Variants in YWHAE observed in about 807,000 individuals in gnomAD.
YWHAE encodes the protein tyrosine 3-monooxygenase/tryptophan 5-monooxygenase activation protein epsilon.
In YWHAE, 4 loss-of-function variants were observed where a neutral mutation model predicts 30.1. The ratio of observed to expected loss-of-function variants is 0.13; its 90% CI spans 0.07 to 0.30. The LOEUF is 0.30. Ranked by LOEUF, YWHAE falls within the 10% of genes least tolerant of loss-of-function variation. YWHAE has a pLI of 1.00. For synonymous variants in YWHAE, 118 were observed against 111.8 expected, an observed-to-expected ratio of 1.06 and a Z score of -0.35; for missense variants, 121 against 315.9, an observed-to-expected ratio of 0.38 and a Z score of 4.68.
At chr17:1,387,680 G>C (rs1479581581) in intron 1 of YWHAE, among the ~76,000 whole-genome samples, 1 of 152,088 alleles carries the variant, frequency 6.6e-6, no homozygotes, top group East Asian at 1.9e-4. Context: ...GGAGTGCAGT[G>C]CCACAATCTC....
intron 1 of YWHAE, among the ~76,000 whole-genome samples, chr17:1,387,622 G>C (rs1214444134): frequency 9.9e-5 from 15 of 151,880 alleles, no homozygotes; most frequent in Non-Finnish European, 1.5e-5. Flanking sequence ...ATTTCTTTGC[G>C]GGGGTGGGGG....
At chr17:1,371,435 T>TC (rs1555643015) in intron 1 of YWHAE, among the ~76,000 whole-genome samples, 16 of 151,788 alleles carry the variant, frequency 1.1e-4, no homozygotes, top group African/African-American at 3.9e-4. Context: ...TTTTTTTTTT[T>TC]CTGAGTACCA....
At chr17:1,366,110 AGAGACT>A (rs934481987) in intron 1 of YWHAE, among the ~76,000 whole-genome samples, 4 of 151,816 alleles carry the variant, frequency 2.6e-5, no homozygotes, top group Admixed American at 2.0e-4. Flanking sequence ...CAGGTACTCT[AGAGACT>A]GAGACAGGAG....
chr17:1,360,432 T>C (rs1567962952), intron 4 of YWHAE, among the ~76,000 whole-genome samples: 1 of 152,182 alleles, frequency 6.6e-6, no homozygotes. Flanking sequence ...AAAATTATGT[T>C]TGCTACGAGA....
intron 5 of YWHAE, among the ~76,000 whole-genome samples, chr17:1,350,932 G>A (rs577530391): frequency 6.6e-6 from 1 of 151,454 alleles, no homozygotes; most frequent in Admixed American, 6.6e-5. Flanking sequence ...GGTGGCGCAC[G>A]CCTGTAATCC....
At chr17:1,349,807 G>A (rs1310178361) in intron 5 of YWHAE, among the ~76,000 whole-genome samples, 1 of 151,686 alleles carries the variant, frequency 6.6e-6, no homozygotes, top group African/African-American at 2.4e-5. Flanking sequence ...GTAGAGACGG[G>A]GTTTCACTGT....
chr17:1,374,530 G>A (rs374562927), intron 1 of YWHAE, among the ~76,000 whole-genome samples: 5 of 151,984 alleles, frequency 3.3e-5, no homozygotes, highest in East Asian at 1.9e-4. Flanking sequence ...CTACAGGAGC[G>A]GCACCGTTTT....
chr17:1,345,258 C>G lies in YWHAE; in HGVS notation c.*189G>C, dbSNP rs1270147399. 1 of 596,056 alleles carries G rather than the reference C, an allele frequency of 1.7e-6. No homozygotes were observed. The highest frequency in any genetic ancestry group is 1.9e-5 in the African/African-American group (1 of 52,482). The allele number at this position is 596,056 out of a possible 1,614,324, so 36.9% of individuals were successfully genotyped here. A position where few individuals can be genotyped will look rare whatever the true frequency, so the allele number is the denominator to read the frequency against. On this transcript the variant is annotated 3_prime_UTR_variant, in exon 6 of 6. Coordinates refer to ENST00000264335, the MANE Select transcript of YWHAE (RefSeq NM_006761.5). ...GACCAGTAAAATCCACAGAAATTCACTCTTGCCTTTAAGAACTTTTGAAAA... is the reference window on the plus strand; with the variant it reads ...GACCAGTAAAATCCACAGAAATTCAGTCTTGCCTTTAAGAACTTTTGAAAA...
At chr17:1,370,176 G>C (rs1255799756) in intron 1 of YWHAE, among the ~76,000 whole-genome samples, 2 of 143,740 alleles carry the variant, frequency 1.4e-5, no homozygotes, top group African/African-American at 5.1e-5. Context: ...CACCAGGCTG[G>C]AGTGCCTGGG....
intron 2 of YWHAE, among the ~76,000 whole-genome samples, chr17:1,364,179 A>G (rs1182741134): frequency 4.6e-5 from 7 of 151,722 alleles, no homozygotes; most frequent in South Asian, 2.1e-4. Context: ...TCCTCAGGGA[A>G]AAAAAAAGAG....
chr17:1,352,524 T>C (rs1258934892), intron 5 of YWHAE, among the ~76,000 whole-genome samples: 1 of 150,706 alleles, frequency 6.6e-6, no homozygotes, highest in East Asian at 1.9e-4. Flanking sequence ...TAAGAAACGT[T>C]ATCTCTTTTT....
In YWHAE at chr17:1,385,489, A is replaced by G. The variant is rs183515474; in HGVS notation, c.64+14558T>C. ...GCCATTTATAAAGCTCTAGTCCCAA[A>G]TATCAGTGGTCCCCAACCTTTGTGG... On this transcript the variant is annotated intron_variant, in intron 1 of 5. Transcript: ENST00000264335. 7.9e-5 allele frequency among the ~76,000 whole-genome samples: 12 copies of G among 152,280 alleles called. No individual in the cohort carries two copies. The East Asian group carries it at 2.3e-3, about 29-fold the overall frequency.
chr17:1,351,988 T>TTTTTTTAAA (rs2072642672), intron 5 of YWHAE: 1 of 152,026 alleles, frequency 6.6e-6, no homozygotes, highest in South Asian at 2.1e-4. Flanking sequence ...CTTACTATGT[T>TTTTTTTAAA]GCCCAGGCTG....
At chr17:1,384,067 G>A (rs867905847) in intron 1 of YWHAE, among the ~76,000 whole-genome samples, 1 of 152,024 alleles carries the variant, frequency 6.6e-6, no homozygotes, top group Admixed American at 6.6e-5. Context: ...TTAGCCACGC[G>A]TTAAGCAGGT....
intron 1 of YWHAE, among the ~76,000 whole-genome samples, chr17:1,389,832 T>C (rs1272500518): frequency 1.3e-5 from 2 of 150,024 alleles, no homozygotes; most frequent in East Asian, 2.0e-4. Flanking sequence ...ACCTGGCCAA[T>C]TATTTACATT....
At chr17:1,369,965 G>A (rs553442824) in intron 1 of YWHAE, among the ~76,000 whole-genome samples, 1 of 152,256 alleles carries the variant, frequency 6.6e-6, no homozygotes, top group South Asian at 2.1e-4. Context: ...TTGCCTTGAT[G>A]TTGATGGCTA....
chr17:1,362,195 C>A (rs973999135), intron 2 of YWHAE, among the ~76,000 whole-genome samples, 187 bp from the exon 3 acceptor site: 1 of 152,050 alleles, frequency 6.6e-6, no homozygotes, highest in African/African-American at 2.4e-5. Context: ...TAAAAAGTAT[C>A]TTTTCCCTTC....
chr17:1,383,031 GAAA>G (rs112094150), intron 1 of YWHAE, among the ~76,000 whole-genome samples: 1 of 118,994 alleles, frequency 8.4e-6, no homozygotes, highest in African/African-American at 2.8e-5. Context: ...TCTCAAGAAA[GAAA>G]AAAAAAAAAA....
chr17:1,355,419 A>C (rs571854588), intron 4 of YWHAE, among the ~76,000 whole-genome samples: 1 of 151,956 alleles, frequency 6.6e-6, no homozygotes, highest in East Asian at 1.9e-4. Context: ...TCAGCCTCCC[A>C]AAGTGCTGGA....
Sources: allele counts gnomAD v4.1 joint callset (sites outside exome capture counted in the v4.1 genomes callset), GRCh38; gene constraint gnomAD v4.1.1; transcripts MANE v1.5; gene names NCBI Gene and HGNC (gene_info 2026-07-23, HGNC 2026-07-21).